Variants in DMD observed in about 807,000 individuals in gnomAD.
The protein encoded by DMD is mutant dystrophin.
Under a neutral mutation model 330.1 loss-of-function variants are expected in DMD, and 63 were observed. The observed-to-expected ratio is 0.19, with a 90% CI of 0.16 to 0.24. The LOEUF is 0.24. Ranked by LOEUF, DMD falls within the 10% of genes least tolerant of loss-of-function variation. The pLI is 1.00. For missense variants in DMD, 3,344 were observed against 2,684.1 expected (o/e 1.25, Z -5.43); for synonymous variants, 1,223 against 959.8 (o/e 1.27, Z -5.07).
intron 11 of DMD, among the ~76,000 whole-genome samples, chrX:32,633,079 T>TA (rs1334554115): frequency 8.9e-6 from 1 of 112,282 alleles, no homozygotes; most frequent in African/African-American, 3.2e-5. Context: ...TATAAATATG[T>TA]AAAAAACCTG....
At chrX:32,863,552 ACACACAC>A (rs2082249160) in intron 2 of DMD, among the ~76,000 whole-genome samples, 17 of 104,078 alleles carry the variant, frequency 1.6e-4, no homozygotes, top group Non-Finnish European at 2.0e-5. Context: ...ACACACACAC[ACACACAC>A]ACACACACAC....
intron 44 of DMD, among the ~76,000 whole-genome samples, chrX:32,054,701 T>C (rs930637708): frequency 2.8e-5 from 3 of 108,673 alleles, no homozygotes; most frequent in Admixed American, 2.0e-4. Flanking sequence ...GGAAATGACC[T>C]ACAGAAGTTT....
chrX:31,920,374 A>G (rs2094673466), intron 47 of DMD, among the ~76,000 whole-genome samples: 1 of 111,777 alleles, frequency 8.9e-6, no homozygotes, highest in Admixed American at 9.5e-5. Flanking sequence ...ATGGCCTTTA[A>G]TCTTTGTTCC....
intron 13 of DMD, among the ~76,000 whole-genome samples, chrX:32,586,454 T>C (rs781169058): frequency 3.7e-5 from 4 of 108,608 alleles, no homozygotes; most frequent in East Asian, 2.9e-4. Context: ...TAAATATATA[T>C]GTTTATATTA....
chrX:31,581,699 AAC>A (rs2076348010), intron 55 of DMD, among the ~76,000 whole-genome samples: 1 of 112,266 alleles, frequency 8.9e-6, no homozygotes, highest in African/African-American at 3.2e-5. Flanking sequence ...TCTATGTAAA[AAC>A]ACATTATTTT....
chrX:31,507,062 T>A (rs2071023422), intron 56 of DMD, among the ~76,000 whole-genome samples: 1 of 112,074 alleles, frequency 8.9e-6, no homozygotes, highest in South Asian at 3.7e-4. Flanking sequence ...ATGTCTCCTA[T>A]GTTTATAAAA....
intron 2 of DMD, among the ~76,000 whole-genome samples, chrX:32,892,432 T>A (rs752311791): frequency 1.8e-5 from 2 of 112,309 alleles, no homozygotes; most frequent in Non-Finnish European, 3.8e-5. Flanking sequence ...CTACTCTTTT[T>A]GCCCAGGCTG....
intron 60 of DMD, among the ~76,000 whole-genome samples, chrX:31,413,927 T>C (rs1449848734): frequency 9.0e-6 from 1 of 111,056 alleles, no homozygotes; most frequent in Non-Finnish European, 1.9e-5. Context: ...CTAGTGAATA[T>C]TAAAGTCTAA....
At chrX:32,614,035 G>C (rs1016584785) in intron 12 of DMD, among the ~76,000 whole-genome samples, 2 of 110,334 alleles carry the variant, frequency 1.8e-5, no homozygotes, top group Non-Finnish European at 3.8e-5. Flanking sequence ...TATGGGACTT[G>C]ATCCTATTCT....
chrX:32,342,306 G>A (rs1313607994), intron 40 of DMD, 24 bp from the exon 41 acceptor site: 1 of 1,204,885 alleles, frequency 8.3e-7, no homozygotes, highest in Non-Finnish European at 1.1e-6. Context: ...CCAATACAGG[G>A]CCCAGGGCAG....
intron 74 of DMD, among the ~76,000 whole-genome samples, chrX:31,154,390 G>T (rs1347600995): frequency 9.1e-6 from 1 of 109,776 alleles, no homozygotes; most frequent in Non-Finnish European, 1.9e-5. Flanking sequence ...CTGCCTCCTG[G>T]GTTCACATTC....
intron 23 of DMD, among the ~76,000 whole-genome samples, chrX:32,465,609 G>A (rs1603634133): frequency 1.5e-5 from 1 of 68,084 alleles, no homozygotes; most frequent in East Asian, 5.0e-4. Context: ...TTTTTGAGAT[G>A]GAGTCTTGCT....
At chrX:31,607,321 A>C (rs1047720779) in intron 55 of DMD, among the ~76,000 whole-genome samples, 3 of 112,230 alleles carry the variant, frequency 2.7e-5, no homozygotes, top group African/African-American at 9.7e-5. Flanking sequence ...AACAATGGCT[A>C]CAATGACACA....
intron 4 of DMD, among the ~76,000 whole-genome samples, chrX:32,830,805 G>A (rs2079092325): frequency 9.0e-6 from 1 of 111,058 alleles, no homozygotes; most frequent in Admixed American, 9.7e-5. Flanking sequence ...TTGGAGGATA[G>A]AAAACCTCCA....
intron 7 of DMD, among the ~76,000 whole-genome samples, chrX:32,735,653 C>T (rs1486107932): frequency 1.8e-5 from 2 of 111,590 alleles, no homozygotes; most frequent in African/African-American, 6.5e-5. Flanking sequence ...CTGAGAAAAA[C>T]AAGCAATGGG....
intron 44 of DMD, among the ~76,000 whole-genome samples, chrX:32,043,847 AT>A (rs2096033154): frequency 8.9e-6 from 1 of 112,178 alleles, no homozygotes; most frequent in South Asian, 3.7e-4. Context: ...ATTTGGAAAG[AT>A]AATTTTTTTC....
At chrX:31,197,065 C>T (rs2042977226) in intron 67 of DMD, among the ~76,000 whole-genome samples, 2 of 111,131 alleles carry the variant, frequency 1.8e-5, no homozygotes, top group Admixed American at 1.9e-4. Context: ...TCATAGCTAA[C>T]ATTCACTGGG....
chrX:31,393,840 T>C (rs1249879975), intron 60 of DMD, among the ~76,000 whole-genome samples: 1 of 112,035 alleles, frequency 8.9e-6, no homozygotes, highest in East Asian at 2.8e-4. Context: ...AGCTTAAAAA[T>C]ATAGAAATAA....
In DMD at chrX:32,401,564, G is replaced by A. The variant is rs150766651; in HGVS notation, c.4233+10188C>T. Among the ~76,000 whole-genome samples, 800 of 111,482 alleles carry A rather than the reference G, an allele frequency of 7.2e-3. 11 individuals carry two copies. The highest frequency in any genetic ancestry group is 0.024 in the African/African-American group (751 of 30,704). On this transcript the variant is annotated intron_variant, in intron 30 of 78. Transcript: ENST00000357033. Reference sequence around the variant, plus strand: ...AGTAGAAGGATCCTTACTAGAGGCTGGGAAGGGTAGTCAGGGGTTGGGGAG... The same window carrying A: ...AGTAGAAGGATCCTTACTAGAGGCTAGGAAGGGTAGTCAGGGGTTGGGGAG...
Sources: allele counts gnomAD v4.1 joint callset (sites outside exome capture counted in the v4.1 genomes callset), GRCh38; gene constraint gnomAD v4.1.1; transcripts MANE v1.5; gene names NCBI Gene and HGNC (gene_info 2026-07-23, HGNC 2026-07-21).